The following TMEM204 variants were observed in gnomAD, a reference collection of about 807,000 sequenced individuals.
TMEM204 encodes the protein claudin-like protein 24.
In TMEM204, 15 loss-of-function variants were observed where a neutral mutation model predicts 19.4. That is an observed-to-expected ratio of 0.77 (90% CI 0.52 to 1.19). The LOEUF (loss-of-function observed/expected upper bound fraction) is 1.19, where lower values mean the gene tolerates loss of function less well. TMEM204 is among the 50% of genes most tolerant of loss of function. TMEM204 has a pLI of 0.00. For missense variants in TMEM204, 287 were observed against 321.2 expected, an observed-to-expected ratio of 0.89 and a Z score of 0.81; for synonymous variants, 161 against 146.0, an observed-to-expected ratio of 1.10 and a Z score of -0.74.
At chr16:1,548,090 C>T (rs150872908) in intron 2 of TMEM204, among the ~76,000 whole-genome samples, 10 of 152,346 alleles carry the variant, frequency 6.6e-5, no homozygotes, top group South Asian at 6.2e-4. Flanking sequence ...CGGAGCCTCT[C>T]GCTCTTCCCT....
At chr16:1,542,815 C>A (rs1460629716) in intron 2 of TMEM204, among the ~76,000 whole-genome samples, 3 of 152,244 alleles carry the variant, frequency 2.0e-5, no homozygotes, top group African/African-American at 7.2e-5. Flanking sequence ...GCCTTGCAGG[C>A]GAGGGGCCAT....
rs972927157 is a variant in TMEM204, at chr16:1,553,082, A to G, written c.437-1700A>G. On this transcript the variant is annotated intron_variant, in intron 2 of 2. Transcript: ENST00000566264. The surrounding 1 kb of genome is among the most constrained non-coding windows in gnomAD (Gnocchi z 4.4). Reference sequence around the variant, plus strand: ...TGTTCAGGACAAAATGGAGATAGATAAATGCTTAATTCATACTTTCTGGAG... The same window carrying G: ...TGTTCAGGACAAAATGGAGATAGATGAATGCTTAATTCATACTTTCTGGAG... 4 of 985,338 alleles carry G rather than the reference A, an allele frequency of 4.1e-6. No homozygotes were observed. In the African/African-American group the frequency reaches 7.0e-5, roughly 17 times the overall value. The allele number at this position is 985,338 out of a possible 1,614,324, so 61.0% of individuals were successfully genotyped here. A position where few individuals can be genotyped will look rare whatever the true frequency, so the allele number is the denominator to read the frequency against.
At position 1,539,521 on chromosome 16, in the gene TMEM204, C is replaced by T. The variant is rs570223108; in HGVS notation, c.281-2400C>T. Among the ~76,000 whole-genome samples, 11 of 152,382 alleles carry T rather than the reference C, an allele frequency of 7.2e-5. No homozygotes were observed. In the South Asian group the frequency reaches 1.7e-3, roughly 23 times the overall value. Reference sequence around the variant, plus strand: ...GTCCTCACCTGCTGCCAGGCTTTCCCGCTGTCCGTACGGGAACCCCTTGGC... The same window carrying T: ...GTCCTCACCTGCTGCCAGGCTTTCCTGCTGTCCGTACGGGAACCCCTTGGC... On this transcript the variant is annotated intron_variant, in intron 1 of 2. Coordinates refer to ENST00000566264, the MANE Select transcript of TMEM204 (RefSeq NM_024600.6).
intron 2 of TMEM204, among the ~76,000 whole-genome samples, chr16:1,552,062 G>T (rs2032692123): frequency 6.6e-6 from 1 of 152,170 alleles, no homozygotes; most frequent in Non-Finnish European, 1.5e-5. Context: ...TGGAAGCCAT[G>T]GGGGGCACAA....
chr16:1,540,110 C>T lies in TMEM204; in HGVS notation c.281-1811C>T, dbSNP rs548395582. Among the ~76,000 whole-genome samples the T allele has an allele frequency of 4.7e-4, 72 of 152,292 alleles. 2 individuals are homozygous for T. The South Asian group carries it at 0.011, about 22-fold the overall frequency. The stretch of plus-strand genomic sequence containing the variant: ...GAGGAGCAGTGTGCCTCCAGGGATG[C>T]TGGGACGCCGAAAGCCTAGACTGAG... On this transcript the variant is annotated intron_variant, in intron 1 of 2. Coordinates refer to ENST00000566264, the MANE Select transcript of TMEM204 (RefSeq NM_024600.6).
At position 1,541,965 on chromosome 16, in the gene TMEM204, G is replaced by T; in HGVS notation, c.325G>T (p.Ala109Ser). ...MRACNLVATA[A>S]LTAGQLTFLL... ...CGCCTGCAACCTGGTGGCCACGGCC[G>T]CGCTCACCGCAGGCCAGCTCACCTT... Residue 109 changes from alanine to serine, a missense_variant, in exon 2 of 3, where the codon GCG becomes TCG. Physicochemically the swap from Ala to Ser is moderately conservative, Grantham distance 99 (BLOSUM62 1). Transcript: ENST00000566264. 6.2e-7 allele frequency: 1 copy of T among 1,610,322 alleles called. No homozygotes were observed.
At chr16:1,537,950 C>T (rs1162427723) in intron 1 of TMEM204, among the ~76,000 whole-genome samples, 1 of 152,256 alleles carries the variant, frequency 6.6e-6, no homozygotes, top group Admixed American at 6.5e-5. Flanking sequence ...GCTTCACCCC[C>T]TGCTCGGCCA....
chr16:1,547,990 C>T lies in TMEM204; in HGVS notation c.436+5914C>T, dbSNP rs528489059. Among the ~76,000 whole-genome samples, 4 of 152,328 alleles carry T rather than the reference C, an allele frequency of 2.6e-5. No individual in the cohort carries two copies. The South Asian group carries it at 8.3e-4, about 32-fold the overall frequency. Reference sequence around the variant, plus strand: ...TGCAATCAGCCTGGTCTGGATAGCTCGCTTGCCTGTCTTTGGTACCCACTC... The same window carrying T: ...TGCAATCAGCCTGGTCTGGATAGCTTGCTTGCCTGTCTTTGGTACCCACTC... On this transcript the variant is annotated intron_variant, in intron 2 of 2. Transcript: ENST00000566264.
At chr16:1,542,136 C>T (rs922993323) in intron 2 of TMEM204, 60 bp downstream of exon 2, 9 of 1,492,768 alleles carry the variant, frequency 6.0e-6, no homozygotes, top group Admixed American at 2.2e-5. Flanking sequence ...TCTGGTGCCA[C>T]AGGAGGGTCC....
rs2032985554 is a variant in TMEM204 at position 1,555,114 on chromosome 16, C to T, written c.*88C>T. On this transcript the variant is annotated 3_prime_UTR_variant, in exon 3 of 3. Coordinates refer to ENST00000566264, the MANE Select transcript of TMEM204 (RefSeq NM_024600.6). ...GGACTCCACCACCAAGTCACTTCCCCTGCTCGTGCAGAGGCACGGGATGAG... is the reference window on the plus strand; with the variant it reads ...GGACTCCACCACCAAGTCACTTCCCTTGCTCGTGCAGAGGCACGGGATGAG... 2.7e-6 allele frequency: 4 copies of T among 1,501,350 alleles called. No individual in the cohort carries two copies. The highest frequency in any genetic ancestry group is 3.6e-6 in the Non-Finnish European group (4 of 1,124,348). 93.0% of individuals were successfully genotyped at this position (1,501,350 alleles called of 1,614,324 possible).
At chr16:1,549,398 G>A (rs1384754787) in intron 2 of TMEM204, among the ~76,000 whole-genome samples, 1 of 152,218 alleles carries the variant, frequency 6.6e-6, no homozygotes, top group Non-Finnish European at 1.5e-5. Flanking sequence ...CCCAGAACGC[G>A]GCTCCAGACG....
intron 2 of TMEM204, among the ~76,000 whole-genome samples, chr16:1,546,651 C>T (rs1016158575): frequency 3.3e-5 from 5 of 152,200 alleles, no homozygotes; most frequent in African/African-American, 9.7e-5. Flanking sequence ...CCCTCGGGGG[C>T]GCAAACTGTC....
upstream of TMEM204, among the ~76,000 whole-genome samples, chr16:1,529,788 A>T (rs748783859): frequency 6.6e-6 from 1 of 152,228 alleles, no homozygotes; most frequent in East Asian, 1.9e-4. Context: ...GCTCAGACAC[A>T]GCTGCCCCGT....
rs1373072762 is a variant in TMEM204, at chr16:1,553,283, T to C, written c.437-1499T>C. The C allele has an allele frequency of 1.0e-6, 1 of 981,466 alleles. No individual in the cohort carries two copies. The highest frequency in any genetic ancestry group is 1.2e-6 in the Non-Finnish European group (1 of 826,514). 60.8% of individuals were successfully genotyped at this position (981,466 alleles called of 1,614,324 possible). A position where few individuals can be genotyped will look rare whatever the true frequency, so the allele number is the denominator to read the frequency against. ...ATCTCTCTTGGTCTCTGTCTCTCTGTGTCTCTGCCTGTCTCTCTGTGTCTC... is the reference window on the plus strand; with the variant it reads ...ATCTCTCTTGGTCTCTGTCTCTCTGCGTCTCTGCCTGTCTCTCTGTGTCTC... On this transcript the variant is annotated intron_variant, in intron 2 of 2. Coordinates refer to ENST00000566264, the MANE Select transcript of TMEM204 (RefSeq NM_024600.6). The surrounding 1 kb of genome is among the most constrained non-coding windows in gnomAD (Gnocchi z 4.4).
chr16:1,533,064 G>A (rs544273028), upstream of TMEM204: 2 of 152,368 alleles, frequency 1.3e-5, no homozygotes, highest in East Asian at 3.9e-4. This position sits in a 1 kb window ranked among gnomAD's most constrained non-coding sequence, Gnocchi z 4.7. Flanking sequence ...CCAAGTACAG[G>A]TCCCTGGCCC....
chr16:1,542,875 G>T (rs970413372), intron 2 of TMEM204, among the ~76,000 whole-genome samples: 1 of 152,252 alleles, frequency 6.6e-6, no homozygotes, highest in Admixed American at 6.5e-5. Flanking sequence ...ACCTGGGACA[G>T]GTCTTGAGAA....
chr16:1,547,267 G>A (rs1209340280), intron 2 of TMEM204, among the ~76,000 whole-genome samples: 1 of 152,212 alleles, frequency 6.6e-6, no homozygotes, highest in Non-Finnish European at 1.5e-5. Flanking sequence ...GGATGGCACT[G>A]GTCCGTCCCG....
At position 1,534,110 on chromosome 16, in the gene TMEM204, C is replaced by T. The variant is rs576595546; in HGVS notation, c.-166C>T. On this transcript the variant is annotated 5_prime_UTR_variant, in exon 1 of 3. Coordinates refer to ENST00000566264, the MANE Select transcript of TMEM204 (RefSeq NM_024600.6). Reference sequence around the variant, plus strand: ...TGCAGGAAGGAGGATAAGGCCGGGCCGAGAGGCGGCACACCTGGACCATCC... The same window carrying T: ...TGCAGGAAGGAGGATAAGGCCGGGCTGAGAGGCGGCACACCTGGACCATCC... 16 of 804,836 alleles carry T rather than the reference C, an allele frequency of 2.0e-5. No individual in the cohort carries two copies. Among genetic ancestry groups the T allele is most frequent in the African/African-American group, 1.1e-4 (6 of 55,906 alleles). 49.9% of individuals were successfully genotyped at this position (804,836 alleles called of 1,614,324 possible).
chr16:1,549,520 C>T (rs543612912), intron 2 of TMEM204, among the ~76,000 whole-genome samples: 3 of 152,334 alleles, frequency 2.0e-5, no homozygotes, highest in African/African-American at 7.2e-5. Context: ...CAAGCTCTGC[C>T]TCCCGGGTTC....
Sources: gnomAD v4.1 joint callset for allele counts (sites outside exome capture counted in the v4.1 genomes callset) on GRCh38, gnomAD v4.1.1 for gene constraint, Gnocchi (gnomAD v3.1) non-coding constraint, MANE v1.5 for transcripts, NCBI Gene and HGNC (gene_info 2026-07-23, HGNC 2026-07-21) for gene names.